CDC123: variants seen among roughly 807,000 people sequenced by gnomAD.
CDC123 encodes cell division cycle 123, also known as translation initiation factor eIF2 assembly protein.
Under a neutral mutation model 54.4 loss-of-function variants are expected in CDC123, and 37 were observed. That is an observed-to-expected ratio of 0.68 (90% CI 0.52 to 0.89). The LOEUF (loss-of-function observed/expected upper bound fraction) is 0.89. Among genes scored for constraint, CDC123 ranks in the 40% least tolerant of loss-of-function variants. CDC123 has a pLI of 0.00. For missense variants in CDC123, 361 were observed against 412.1 expected (o/e 0.88, Z 1.07); for synonymous variants, 144 against 136.8 (o/e 1.05, Z -0.37).
At chr10:12,198,596 C>T (rs1170338254) in intron 1 of CDC123, 109 bp from the exon 2 acceptor site, 2 of 697,526 alleles carry the variant, frequency 2.9e-6, no homozygotes, top group Non-Finnish European at 5.1e-6. Flanking sequence ...ACATTTTCTA[C>T]TTTATATTAA....
intron 2 of CDC123, among the ~76,000 whole-genome samples, chr10:12,202,268 C>T (rs895662141): frequency 6.6e-6 from 1 of 152,168 alleles, no homozygotes; most frequent in African/African-American, 2.4e-5. Context: ...TCTCTTGTCC[C>T]TTTCTTAGTT....
chr10:12,215,984 A>G (rs1835657158), intron 5 of CDC123, 149 bp downstream of exon 5: 1 of 524,566 alleles, frequency 1.9e-6, no homozygotes, highest in Non-Finnish European at 3.2e-6. Context: ...CTACTGTTTT[A>G]CTTTCCGGAT....
At chr10:12,244,143 T>C (rs1836096684) in intron 10 of CDC123, among the ~76,000 whole-genome samples, 1 of 152,220 alleles carries the variant, frequency 6.6e-6, no homozygotes, top group South Asian at 2.1e-4. Flanking sequence ...CAAGTCCTAA[T>C]TAGATGTTGC....
intron 6 of CDC123, among the ~76,000 whole-genome samples, chr10:12,228,573 T>C (rs1588678737): frequency 1.3e-5 from 2 of 152,084 alleles, no homozygotes; most frequent in East Asian, 3.9e-4. Flanking sequence ...GCCTGGCTAA[T>C]GTTTTTCTTT....
chr10:12,244,271 G>A (rs1324650609), intron 10 of CDC123, among the ~76,000 whole-genome samples: 2 of 152,142 alleles, frequency 1.3e-5, no homozygotes, highest in Non-Finnish European at 2.9e-5. Flanking sequence ...AGGACATGGC[G>A]GCAACACATT....
At chr10:12,205,080 T>C (rs147352007) in intron 2 of CDC123, among the ~76,000 whole-genome samples, 2 of 149,796 alleles carry the variant, frequency 1.3e-5, no homozygotes, top group East Asian at 4.1e-4. Flanking sequence ...AGTCCCCTAC[T>C]ACCCTTCACA....
chr10:12,228,096 G>A (rs1016885200), intron 6 of CDC123, among the ~76,000 whole-genome samples: 10 of 150,958 alleles, frequency 6.6e-5, no homozygotes, highest in South Asian at 2.1e-4. Flanking sequence ...CCTCCGTACC[G>A]GCTAATTTTT....
Position 12,250,412 on chromosome 10 carries a change from G to T in CDC123, c.*75G>T, listed in dbSNP as rs751687291. ...AGCTGCTCATCAGCCGCAACTTCCT[G>T]CCGACCCTGATGCGGGTGGGCCGAG... On this transcript the variant is annotated 3_prime_UTR_variant, in exon 13 of 13. Transcript: ENST00000281141. 2 of 1,155,320 alleles carry T rather than the reference G, an allele frequency of 1.7e-6. No homozygotes were observed. Among genetic ancestry groups the T allele is most frequent in the Non-Finnish European group, 2.6e-6 (2 of 762,128 alleles). 71.6% of individuals were successfully genotyped at this position (1,155,320 alleles called of 1,614,324 possible).
chr10:12,230,142 A>G (rs1483864011), intron 6 of CDC123, among the ~76,000 whole-genome samples: 3 of 151,984 alleles, frequency 2.0e-5, no homozygotes, highest in African/African-American at 7.3e-5. Context: ...TTTTGTGGGT[A>G]CATAGTAAGT....
intron 1 of CDC123, among the ~76,000 whole-genome samples, chr10:12,196,539 G>A (rs1835350961): frequency 6.6e-6 from 1 of 152,168 alleles, no homozygotes; most frequent in Non-Finnish European, 1.5e-5. Context: ...GTCGGAGGCG[G>A]GAGGAATAGT....
intron 4 of CDC123, among the ~76,000 whole-genome samples, chr10:12,215,161 C>G (rs1208871092): frequency 6.6e-6 from 1 of 152,200 alleles, no homozygotes; most frequent in Non-Finnish European, 1.5e-5. Flanking sequence ...ATCATCCAAA[C>G]AGGAAAGAAC....
At chr10:12,236,007 A>C (rs916071347) in intron 8 of CDC123, among the ~76,000 whole-genome samples, 5 of 152,218 alleles carry the variant, frequency 3.3e-5, no homozygotes, top group Non-Finnish European at 7.3e-5. Context: ...GAAAAAAGGA[A>C]TGTTTACTTT....
chr10:12,201,688 T>C (rs1014442033), intron 2 of CDC123, among the ~76,000 whole-genome samples: 3 of 152,168 alleles, frequency 2.0e-5, no homozygotes, highest in African/African-American at 4.8e-5. Context: ...ATGTTAAAGA[T>C]GCTGCAATTT....
rs1835400400 is a variant in CDC123, at chr10:12,198,896, G to A, written c.146+120G>A. On this transcript the variant is annotated intron_variant, in intron 2 of 12. Transcript: ENST00000281141. ...CTTTTTCTCTCCTAGCCAAAATGAT[G>A]TGCTGATCTTTGTCTCATATTCCTT... The A allele has an allele frequency of 3.6e-5, 23 of 637,902 alleles. No individual in the cohort carries two copies. The South Asian group carries it at 4.3e-4, about 12-fold the overall frequency. 39.5% of individuals were successfully genotyped at this position (637,902 alleles called of 1,614,324 possible). A position where few individuals can be genotyped will look rare whatever the true frequency, so the allele number is the denominator to read the frequency against.
At chr10:12,234,633 C>T (rs1835954449) in intron 7 of CDC123, among the ~76,000 whole-genome samples, 1 of 152,062 alleles carries the variant, frequency 6.6e-6, no homozygotes, top group South Asian at 2.1e-4. Flanking sequence ...TATGTCAGAA[C>T]TCTCAAAATG....
chr10:12,231,561 G>A (rs1588679708), intron 7 of CDC123, among the ~76,000 whole-genome samples: 1 of 146,786 alleles, frequency 6.8e-6, no homozygotes, highest in Admixed American at 7.0e-5. Context: ...GGAGGTGGAG[G>A]TTGCAGTGAG....
intron 6 of CDC123, among the ~76,000 whole-genome samples, chr10:12,220,933 C>T (rs1244993560): frequency 1.3e-5 from 2 of 151,232 alleles, no homozygotes; most frequent in Non-Finnish European, 2.9e-5. Flanking sequence ...GCTGAGATCG[C>T]GCCACTGCAC....
chr10:12,247,700 C>T (rs978607275), intron 11 of CDC123: 1 of 152,308 alleles, frequency 6.6e-6, no homozygotes, highest in Non-Finnish European at 1.5e-5. Flanking sequence ...TTCCTGCCAG[C>T]TTCACAGCCA....
chr10:12,226,524 C>T (rs966059426), intron 6 of CDC123, among the ~76,000 whole-genome samples: 4 of 151,402 alleles, frequency 2.6e-5, no homozygotes, highest in Middle Eastern at 3.4e-3. Context: ...AGAGAGGCTC[C>T]TCACCTCCCA....
Sources: allele counts gnomAD v4.1 joint callset (sites outside exome capture counted in the v4.1 genomes callset), GRCh38; gene constraint gnomAD v4.1.1; transcripts MANE v1.5; gene names NCBI Gene and HGNC (gene_info 2026-07-23, HGNC 2026-07-21).